The following TNXB variants were observed in gnomAD, a reference collection of about 807,000 sequenced individuals.
TNXB encodes tenascin XB.
Under a neutral mutation model 340.5 loss-of-function variants are expected in TNXB, and 183 were observed. That is an observed-to-expected ratio of 0.54 (90% CI 0.48 to 0.61). The LOEUF is 0.61. Ranked by LOEUF, TNXB falls within the 20% of genes least tolerant of loss-of-function variation. TNXB has a pLI of 0.00. For synonymous variants in TNXB, 2,121 were observed against 2,314.5 expected (o/e 0.92, Z 2.40); for missense variants, 4,613 against 5,446.4 (o/e 0.85, Z 4.82).
rs374241654 is a variant in TNXB at position 32,062,208 on chromosome 6, C to T, written c.7117G>A (p.Gly2373Ser). The T allele has an allele frequency of 8.1e-6, 13 of 1,612,976 alleles. No homozygotes were observed. The highest frequency in any genetic ancestry group is 2.2e-5 in the East Asian group (1 of 44,886). Residue 2373 changes from glycine to serine, a missense_variant, in exon 20 of 44, where the codon GGC (glycine) becomes AGC (serine). Coordinates refer to ENST00000644971, the MANE Select transcript of TNXB (RefSeq NM_001365276.2). This position sits in a 1 kb window ranked among gnomAD's most constrained non-coding sequence, Gnocchi z 4.3. ...PDNKYKMNLY[G>S]FHGGQRVGPV... ...CCCACACGCTGGCCACCGTGGAAGC[C>T]GTACAGGTTCATCTTGTACTTGTTG...
In TNXB at chr6:32,089,421, T is replaced by C; in HGVS notation, c.2359-42A>G. On this transcript the variant is annotated intron_variant, in intron 4 of 43. Coordinates refer to ENST00000644971, the MANE Select transcript of TNXB (RefSeq NM_001365276.2). The surrounding 1 kb of genome is among the most constrained non-coding windows in gnomAD (Gnocchi z 6.2). Reference sequence around the variant, plus strand: ...CAGGTGGCTCAGGGGCTGGCACTCTTGCCTCTGCTGCTCAATCCCCCTTAT... The same window carrying C: ...CAGGTGGCTCAGGGGCTGGCACTCTCGCCTCTGCTGCTCAATCCCCCTTAT... The C allele has an allele frequency of 6.4e-7, 1 of 1,571,038 alleles. No homozygotes were observed.
rs1465799656 is a variant in TNXB at position 32,049,273 on chromosome 6, T to G, written c.9754A>C (p.Thr3252Pro). 1 of 1,609,572 alleles carries G rather than the reference T, an allele frequency of 6.2e-7. No homozygotes were observed. The change falls in exon 28 of 44, where the codon ACG becomes CCG. Residue 3252 changes from threonine (T) to proline (P), a missense_variant. By Grantham distance (38) the Thr-to-Pro change is conservative (BLOSUM62 -1). This residue lies in a region of TNXB where 4,327 missense variants were observed against 4,859.4 expected (regional missense o/e 0.89). Transcript: ENST00000644971. The surrounding 1 kb of genome is among the most constrained non-coding windows in gnomAD (Gnocchi z 4.5). The stretch of plus-strand genomic sequence containing the variant: ...GAGGGCCTGTCCCCCCACTCACCCG[T>G]GATGCCCACGGTGGACACTGGGCCC... ...RVGPVSTVGI[T>P]APLPTPLPVE... is the part of the protein sequence containing the mutation.
At position 32,067,962 on chromosome 6, in the gene TNXB, G is replaced by A; in HGVS notation, c.6243C>T (p.Ser2081=). ...GVTAAEEETP[S]PTEPSMEAPE... ...GGGCCTCCATGCTGGGTTCTGTGGG[G>A]CTGGGGGTCTCTTCCTCTGCAGCTG... Residue 2081 remains serine, a synonymous_variant, in exon 18 of 44, where the codon AGC becomes AGT. Transcript: ENST00000644971. The surrounding 1 kb of genome is among the most constrained non-coding windows in gnomAD (Gnocchi z 4.2). The A allele has an allele frequency of 6.2e-7, 1 of 1,611,896 alleles. No homozygotes were observed. The highest frequency in any genetic ancestry group is 8.5e-7 in the Non-Finnish European group (1 of 1,179,352).
In TNXB at chr6:32,097,781, T is replaced by C. The variant is rs996599739; in HGVS notation, c.403+15A>G. The C allele has an allele frequency of 1.5e-5, 22 of 1,498,838 alleles. No homozygotes were observed. The highest frequency in any genetic ancestry group is 1.9e-5 in the Non-Finnish European group (21 of 1,123,486). 92.8% of individuals were successfully genotyped at this position (1,498,838 alleles called of 1,614,324 possible). On this transcript the variant is annotated intron_variant, in intron 2 of 43. Transcript: ENST00000644971. This position sits in a 1 kb window ranked among gnomAD's most constrained non-coding sequence, Gnocchi z 5.9. ...CACCCCACCTCTCCACCCTCTTCTG[T>C]GATCACCTGCTCACCTGTGCCAGCT...
Position 32,082,014 on chromosome 6 carries a change from G to T in TNXB, c.3736+22C>A, listed in dbSNP as rs1257909144. 6.3e-7 allele frequency: 1 copy of T among 1,589,548 alleles called. No homozygotes were observed. The highest frequency in any genetic ancestry group is 8.6e-7 in the Non-Finnish European group (1 of 1,168,040). On this transcript the variant is annotated intron_variant, in intron 9 of 43. Coordinates refer to ENST00000644971, the MANE Select transcript of TNXB (RefSeq NM_001365276.2). This position sits in a 1 kb window ranked among gnomAD's most constrained non-coding sequence, Gnocchi z 5.0. ...TGGGGCTGAGAAGGGGTCACATGGG[G>T]GCTGAGGTGGCTGCTACTCACCAGT...
rs1779822026 is a variant in TNXB at position 32,087,113 on chromosome 6, T to G, written c.2780-995A>C. ...CTCGTGCTTTGTCCTGGGGGCCCCC[T>G]GGAGCCCCGGCCAGGTAGGGCCTGA... On this transcript the variant is annotated intron_variant, in intron 6 of 43. Transcript: ENST00000644971. This position sits in a 1 kb window ranked among gnomAD's most constrained non-coding sequence, Gnocchi z 9.0. The G allele has an allele frequency of 2.6e-6, 1 of 388,374 alleles. No individual in the cohort carries two copies. The highest frequency in any genetic ancestry group is 5.2e-6 in the Non-Finnish European group (1 of 192,276). 24.1% of individuals were successfully genotyped at this position (388,374 alleles called of 1,614,324 possible).
At chr6:32,066,344 T>G (rs962947777) in intron 18 of TNXB, among the ~76,000 whole-genome samples, 5 of 151,932 alleles carry the variant, frequency 3.3e-5, no homozygotes, top group Non-Finnish European at 7.4e-5. Context: ...CAGTGAGCTA[T>G]GATCATGCCA....
chr6:32,055,603 T>C (rs980367917), intron 24 of TNXB, among the ~76,000 whole-genome samples: 5 of 152,146 alleles, frequency 3.3e-5, no homozygotes, highest in African/African-American at 1.2e-4. Context: ...CCAATTCCTT[T>C]GTCGTGAAGA....
rs1779892214 is a variant in TNXB, at chr6:32,087,957, G to C, written c.2779+828C>G. The C allele has an allele frequency of 1.6e-5, 5 of 311,258 alleles. No homozygotes were observed. The highest frequency in any genetic ancestry group is 4.7e-5 in the Admixed American group (1 of 21,208). The allele number at this position is 311,258 out of a possible 1,614,324, so 19.3% of individuals were successfully genotyped here. On this transcript the variant is annotated intron_variant, in intron 6 of 43. Transcript: ENST00000644971. The surrounding 1 kb of genome is among the most constrained non-coding windows in gnomAD (Gnocchi z 9.0). Reference sequence around the variant, plus strand: ...GCCGGGACTTGGGGGGCGGGGCTGGGGGGCGCACCTCCGGGTAACTGTAGT... The same window carrying C: ...GCCGGGACTTGGGGGGCGGGGCTGGCGGGCGCACCTCCGGGTAACTGTAGT...
In TNXB at chr6:32,108,765, T is replaced by C. The variant is rs755168003; in HGVS notation, c.-9+416A>G. ...CCGACATTTGGGATTCCGCAAGCAC[T>C]TTCCTTCCAAGGTTCAGCTGGCCAC... is the stretch of plus-strand genomic sequence containing the variant. On this transcript the variant is annotated intron_variant, in intron 1 of 43. Coordinates refer to ENST00000644971, the MANE Select transcript of TNXB (RefSeq NM_001365276.2). This position sits in a 1 kb window ranked among gnomAD's most constrained non-coding sequence, Gnocchi z 4.8. Among the ~76,000 whole-genome samples the C allele has an allele frequency of 6.6e-6, 1 of 152,110 alleles. No homozygotes were observed. Among genetic ancestry groups the C allele is most frequent in the Non-Finnish European group, 1.5e-5 (1 of 68,008 alleles).
Position 32,096,473 on chromosome 6 carries a change from G to C in TNXB, c.1380C>G (p.Asp460Glu), listed in dbSNP as rs372425177. 13 of 1,600,194 alleles carry C rather than the reference G, an allele frequency of 8.1e-6. No homozygotes were observed. Among genetic ancestry groups the C allele is most frequent in the African/African-American group, 1.3e-5 (1 of 74,990 alleles). ...CCCCAGGACAGCTGCGCACACCGCA[G>C]TCCTCGCCGCTGTAGCCCGCATTGC... ...CVCNAGYSGE[D>E]CGVRSCPGDC... is the part of the protein sequence containing the mutation. Residue 460 changes from aspartate (D) to glutamate (E), a missense_variant, in exon 3 of 44, where the codon GAC (aspartate) becomes GAG (glutamate). Asp to Glu is a conservative substitution (Grantham distance 45). Transcript: ENST00000644971.
Position 32,073,657 on chromosome 6 carries a change from G to T in TNXB, c.4671C>A (p.Val1557=). 6.2e-7 allele frequency: 1 copy of T among 1,606,686 alleles called. No homozygotes were observed. Among genetic ancestry groups the T allele is most frequent in the Non-Finnish European group, 8.5e-7 (1 of 1,176,658 alleles). Residue 1557 remains valine, a synonymous_variant, in exon 12 of 44, where the codon GTC becomes GTA. Transcript: ENST00000644971. The surrounding 1 kb of genome is among the most constrained non-coding windows in gnomAD (Gnocchi z 4.6). ...CCCCCCATTACTCACCCGTCACGAT[G>T]ACCACAGACAGGGGGCCCATGCGTT... ...DGQRMGPLSV[V]IVTAPLPPAP... is the part of the protein sequence containing the mutation.
rs1778252551 is a variant in TNXB, at chr6:32,064,995, G to A, written c.6667C>T (p.His2223Tyr). 6.2e-7 allele frequency: 1 copy of A among 1,612,472 alleles called. No individual in the cohort carries two copies. Among genetic ancestry groups the A allele is most frequent in the Non-Finnish European group, 8.5e-7 (1 of 1,179,678 alleles). ...SWTVPEGQFD[H>Y]FLVQFKNGDG... ...CCATTCTTAAACTGGACCAAGAAAT[G>A]GTCAAACTGGCCCTCGGGGACTGTC... The change falls in exon 19 of 44, where the codon CAT becomes TAT. Residue 2223 changes from histidine (H) to tyrosine (Y), a missense_variant. Transcript: ENST00000644971. The surrounding 1 kb of genome is among the most constrained non-coding windows in gnomAD (Gnocchi z 5.3).
rs1422991916 is a variant in TNXB, at chr6:32,046,817, G to A, written c.10325-361C>T. Among the ~76,000 whole-genome samples the A allele has an allele frequency of 6.6e-6, 1 of 151,980 alleles. No individual in the cohort carries two copies. The highest frequency in any genetic ancestry group is 1.9e-4 in the East Asian group (1 of 5,184). Reference sequence around the variant, plus strand: ...TGAGCAAGAATGAGGCCAGAGCTGAGAGAGACTCCCCGGAGGTCTCTGGGT... The same window carrying A: ...TGAGCAAGAATGAGGCCAGAGCTGAAAGAGACTCCCCGGAGGTCTCTGGGT... On this transcript the variant is annotated intron_variant, in intron 30 of 43. Transcript: ENST00000644971. This position sits in a 1 kb window ranked among gnomAD's most constrained non-coding sequence, Gnocchi z 6.9.
chr6:32,075,493 C>T lies in TNXB; in HGVS notation c.4376-1541G>A, dbSNP rs1167140175. Among the ~76,000 whole-genome samples, 1 of 152,246 alleles carries T rather than the reference C, an allele frequency of 6.6e-6. No homozygotes were observed. The highest frequency in any genetic ancestry group is 1.5e-5 in the Non-Finnish European group (1 of 68,044). On this transcript the variant is annotated intron_variant, in intron 11 of 43. Transcript: ENST00000644971. This position sits in a 1 kb window ranked among gnomAD's most constrained non-coding sequence, Gnocchi z 4.6. ...AAGGCCTAGGTGGCTGTCCTCTCAC[C>T]TCCTTCAGGGCTTTCCTCAGACACT...
intron 26 of TNXB, 87 bp from the exon 27 acceptor site, chr6:32,050,408 G>T: frequency 2.0e-6 from 3 of 1,520,274 alleles, no homozygotes; most frequent in Non-Finnish European, 2.7e-6. Context: ...AAGTGCCCAA[G>T]AACAGGACGA....
At chr6:32,056,406 C>T (rs2151901266) in intron 23 of TNXB, among the ~76,000 whole-genome samples, 180 bp downstream of exon 23, 1 of 152,232 alleles carries the variant, frequency 6.6e-6, no homozygotes, top group Non-Finnish European at 1.5e-5. Context: ...TCCTGATGGC[C>T]CCTCCCTGCT....
At position 32,049,634 on chromosome 6, in the gene TNXB, T is replaced by C; in HGVS notation, c.9440-47A>G. The stretch of plus-strand genomic sequence containing the variant: ...AGAGAGTGAGGGGGATGTCCTTGGG[T>C]CCTGGGGAAAAGGAGGGAGAAGCCA... On this transcript the variant is annotated intron_variant, in intron 27 of 43. Coordinates refer to ENST00000644971, the MANE Select transcript of TNXB (RefSeq NM_001365276.2). The surrounding 1 kb of genome is among the most constrained non-coding windows in gnomAD (Gnocchi z 4.5). 8.9e-6 allele frequency: 14 copies of C among 1,577,602 alleles called. No homozygotes were observed. Among genetic ancestry groups the C allele is most frequent in the African/African-American group, 1.4e-5 (1 of 73,880 alleles).
At chr6:32,109,061 A>C (rs1408576627) in intron 1 of TNXB, 120 bp downstream of exon 1, 1 of 152,360 alleles carries the variant, frequency 6.6e-6, no homozygotes, top group African/African-American at 2.4e-5. Context: ...TCCTGAACAG[A>C]AGTCCTTGCT....
Sources: allele counts gnomAD v4.1 joint callset (sites outside exome capture counted in the v4.1 genomes callset), GRCh38; gene constraint gnomAD v4.1.1; regional missense constraint gnomAD v4.1.1; non-coding constraint Gnocchi (gnomAD v3.1); transcripts MANE v1.5; gene names NCBI Gene and HGNC (gene_info 2026-07-23, HGNC 2026-07-21).